SPATA22: variants seen among roughly 807,000 people sequenced by gnomAD.
SPATA22 encodes spermatogenesis-associated protein 22.
SPATA22 carries 29 observed loss-of-function variants against 47.8 expected under a neutral mutation model. The ratio of observed to expected loss-of-function variants is 0.61; its 90% CI spans 0.45 to 0.83. The LOEUF is 0.83. Ranked by LOEUF, SPATA22 falls within the 40% of genes least tolerant of loss-of-function variation. The pLI, the probability that SPATA22 is intolerant of heterozygous loss-of-function variation, is 0.00. For synonymous variants in SPATA22, 133 were observed against 140.9 expected (o/e 0.94, Z 0.40); for missense variants, 410 against 421.7 (o/e 0.97, Z 0.24).
Position 3,496,795 on chromosome 17 carries a change from G to A in SPATA22, c.-74+16617C>T, listed in dbSNP as rs141950853. Among the ~76,000 whole-genome samples, 1,205 of 152,284 alleles carry A rather than the reference G, an allele frequency of 7.9e-3. 17 individuals are homozygous for A. Among genetic ancestry groups the A allele is most frequent in the African/African-American group, 0.027 (1,132 of 41,552 alleles). ...AAAATGCTGATTCCTGGCCAGGAGC[G>A]GTGGCTCACGCCTGTAATCCCAGCG... On this transcript the variant is annotated intron_variant, in intron 1 of 8. Transcript: ENST00000541913.
At chr17:3,470,598 A>G (rs1313161708) in intron 1 of SPATA22, among the ~76,000 whole-genome samples, 1 of 151,958 alleles carries the variant, frequency 6.6e-6, no homozygotes, top group Non-Finnish European at 1.5e-5. Context: ...AAAATACAAA[A>G]AAATTAGCCG....
intron 1 of SPATA22, among the ~76,000 whole-genome samples, chr17:3,487,471 G>A (rs1294226524): frequency 6.6e-6 from 1 of 152,130 alleles, no homozygotes; most frequent in African/African-American, 2.4e-5. Context: ...TGTTTGTTCT[G>A]GCTAAGAGTA....
rs772961935 is a variant in SPATA22, at chr17:3,483,462, G to A, written c.-73-14064C>T. On this transcript the variant is annotated intron_variant, in intron 1 of 8. Coordinates refer to the SPATA22 transcript ENST00000541913. ...TGAAGCAAAGAGAACAAAACATACG[G>A]TTTTTACCTAAGAAAGACGTTTTTG... is the stretch of plus-strand genomic sequence containing the variant. 8.3e-6 allele frequency: 13 copies of A among 1,562,572 alleles called. No individual in the cohort carries two copies. The South Asian group carries it at 1.3e-4, about 16-fold the overall frequency.
intron 1 of SPATA22, among the ~76,000 whole-genome samples, chr17:3,504,750 G>A (rs1432979220): frequency 6.6e-6 from 1 of 151,936 alleles, no homozygotes; most frequent in Non-Finnish European, 1.5e-5. Flanking sequence ...GTAGAGACGG[G>A]GTTTCTCCAT....
At chr17:3,458,210 T>C (rs1283807739) in intron 5 of SPATA22, among the ~76,000 whole-genome samples, 1 of 152,152 alleles carries the variant, frequency 6.6e-6, no homozygotes, top group Non-Finnish European at 1.5e-5. Flanking sequence ...CCAACAGGTA[T>C]ATAAAAAGGT....
intron 1 of SPATA22, among the ~76,000 whole-genome samples, chr17:3,481,333 TTC>T (rs1273960374): frequency 2.6e-5 from 4 of 152,210 alleles, no homozygotes; most frequent in Non-Finnish European, 4.4e-5. Flanking sequence ...AAATGATAAA[TTC>T]TGTTTGATAT....
intron 5 of SPATA22, among the ~76,000 whole-genome samples, chr17:3,456,580 C>T (rs1366340953): frequency 6.6e-6 from 1 of 152,006 alleles, no homozygotes; most frequent in Admixed American, 6.6e-5. Flanking sequence ...AAAAAGAGTC[C>T]AGGACCAGAT....
upstream of SPATA22, among the ~76,000 whole-genome samples, chr17:3,475,103 C>T (rs1050092267): frequency 2.6e-5 from 4 of 152,194 alleles, no homozygotes; most frequent in Admixed American, 2.0e-4. Context: ...AACAACCTGG[C>T]GTTACTAGTA....
chr17:3,471,059 A>G (rs549738773), intron 1 of SPATA22, among the ~76,000 whole-genome samples: 169 of 150,180 alleles, frequency 1.1e-3, no homozygotes, highest in African/African-American at 3.9e-3. Context: ...GGAGGCTGAG[A>G]CAGGAGAATC....
chr17:3,476,154 G>A (rs1212818519), upstream of SPATA22: 4 of 1,610,608 alleles, frequency 2.5e-6, no homozygotes, highest in Admixed American at 5.0e-5. Context: ...AAAACTACTT[G>A]GTGAAATGAC....
At chr17:3,448,231 G>A (rs1307449014) in intron 6 of SPATA22, among the ~76,000 whole-genome samples, 2 of 152,152 alleles carry the variant, frequency 1.3e-5, no homozygotes, top group Admixed American at 6.6e-5. Flanking sequence ...TAAAGCAAAG[G>A]TCATAATAAG....
chr17:3,447,823 T>C (rs571516481), intron 6 of SPATA22, among the ~76,000 whole-genome samples: 2 of 152,150 alleles, frequency 1.3e-5, no homozygotes, highest in African/African-American at 4.8e-5. Context: ...AACCCAACCT[T>C]TCCTCCCACC....
chr17:3,510,294 C>T (rs2074095379), intron 1 of SPATA22, among the ~76,000 whole-genome samples: 1 of 152,176 alleles, frequency 6.6e-6, no homozygotes, highest in Admixed American at 6.5e-5. Flanking sequence ...TTCGAATTGA[C>T]TACCTGATGT....
At chr17:3,492,536 T>C (rs2073842700) in intron 1 of SPATA22, among the ~76,000 whole-genome samples, 1 of 152,208 alleles carries the variant, frequency 6.6e-6, no homozygotes, top group African/African-American at 2.4e-5. Flanking sequence ...AGAGTCTATT[T>C]TTCCACTTCT....
chr17:3,495,517 G>A (rs77585155), intron 1 of SPATA22, among the ~76,000 whole-genome samples: 4,868 of 152,288 alleles, frequency 0.032, 142 homozygotes, highest in Non-Finnish European at 0.044. Context: ...GGACCCAGGT[G>A]GAAACCTGAA....
chr17:3,443,037 C>A, intron 8 of SPATA22, 137 bp downstream of exon 8: 1 of 620,486 alleles, frequency 1.6e-6, no homozygotes, highest in South Asian at 2.4e-5. Flanking sequence ...TAAAAATAAA[C>A]AACTTTCATA....
chr17:3,451,973 G>C (rs1383671986), intron 5 of SPATA22, among the ~76,000 whole-genome samples: 2 of 148,528 alleles, frequency 1.3e-5, no homozygotes, highest in Admixed American at 1.3e-4. Flanking sequence ...AAGAAAACCA[G>C]AAAAGAAAAT....
chr17:3,511,470 C>G (rs1408329673), intron 1 of SPATA22: 19 of 152,342 alleles, frequency 1.2e-4, no homozygotes, highest in Admixed American at 1.2e-3. Context: ...CCTCTCGGAG[C>G]ATTAGCCTCT....
chr17:3,468,479 T>C (rs1459787166), intron 2 of SPATA22: 1 of 152,202 alleles, frequency 6.6e-6, no homozygotes, highest in African/African-American at 2.4e-5. Context: ...GCTGGGAGAA[T>C]TATGTGGGCT....
Sources: gnomAD v4.1 joint callset for allele counts (sites outside exome capture counted in the v4.1 genomes callset) on GRCh38, gnomAD v4.1.1 for gene constraint, MANE v1.5 for transcripts, NCBI Gene and HGNC (gene_info 2026-07-23, HGNC 2026-07-21) for gene names.